MYT1L: variants seen among roughly 807,000 people sequenced by gnomAD.
The protein encoded by MYT1L is myelin transcription factor 1-like protein.
In MYT1L, 12 loss-of-function variants were observed where a neutral mutation model predicts 126.7. The observed-to-expected ratio is 0.09, with a 90% confidence interval of 0.06 to 0.15. MYT1L has a LOEUF of 0.15. Among genes scored for constraint, MYT1L ranks in the 10% least tolerant of loss-of-function variants. The pLI is 1.00. For missense variants in MYT1L, 979 were observed against 1,585.2 expected (o/e 0.62, Z 6.49); for synonymous variants, 541 against 604.2 (o/e 0.90, Z 1.53).
intron 2 of MYT1L, among the ~76,000 whole-genome samples, chr2:2,206,542 C>A (rs1166420826): frequency 2.0e-5 from 3 of 152,194 alleles, no homozygotes; most frequent in Non-Finnish European, 4.4e-5. Context: ...CCTTACAGAT[C>A]TTTCTTTCCT....
At chr2:2,321,660 G>A (rs2096169222) in intron 1 of MYT1L, among the ~76,000 whole-genome samples, 2 of 152,112 alleles carry the variant, frequency 1.3e-5, no homozygotes. Flanking sequence ...ACTCAGAACA[G>A]TGTTTGAGCT....
intron 9 of MYT1L, among the ~76,000 whole-genome samples, chr2:1,931,869 G>A (rs2055047682): frequency 6.6e-6 from 1 of 152,100 alleles, no homozygotes; most frequent in African/African-American, 2.4e-5. Flanking sequence ...TCAACTCCAG[G>A]AAAGGAGCGT....
chr2:1,844,141 C>G (rs73913438), intron 19 of MYT1L, among the ~76,000 whole-genome samples: 6,085 of 152,192 alleles, frequency 0.04, 406 homozygotes, highest in African/African-American at 0.14. Flanking sequence ...CTGTGCCCCA[C>G]GGGGTCCTCT....
intron 2 of MYT1L, among the ~76,000 whole-genome samples, chr2:2,261,425 A>C (rs2094963846): frequency 6.6e-6 from 1 of 152,216 alleles, no homozygotes; most frequent in Non-Finnish European, 1.5e-5. Context: ...TAGACACAAA[A>C]TTATCTGAAT....
intron 21 of MYT1L, among the ~76,000 whole-genome samples, chr2:1,813,099 C>G (rs2036953785): frequency 6.6e-6 from 1 of 152,142 alleles, no homozygotes; most frequent in Non-Finnish European, 1.5e-5. Flanking sequence ...CCTCTCTGGC[C>G]TTCCGCCGTC....
At chr2:2,024,794 G>T (rs533511377) in intron 4 of MYT1L, among the ~76,000 whole-genome samples, 1 of 152,332 alleles carries the variant, frequency 6.6e-6, no homozygotes, top group African/African-American at 2.4e-5. Flanking sequence ...TATCATCAAG[G>T]TGTTCTCAAT....
At chr2:2,268,346 T>C (rs1175348426) in intron 2 of MYT1L, among the ~76,000 whole-genome samples, 1 of 152,206 alleles carries the variant, frequency 6.6e-6, no homozygotes, top group Non-Finnish European at 1.5e-5. Flanking sequence ...TTTGTAAATT[T>C]GCACATCAAC....
At chr2:2,094,265 A>C (rs2077197939) in intron 3 of MYT1L, among the ~76,000 whole-genome samples, 1 of 152,110 alleles carries the variant, frequency 6.6e-6, no homozygotes, top group African/African-American at 2.4e-5. Flanking sequence ...AAAGTCAGGA[A>C]ACAACAGGTG....
chr2:2,231,045 C>T (rs910205937), intron 2 of MYT1L, among the ~76,000 whole-genome samples: 11 of 152,142 alleles, frequency 7.2e-5, no homozygotes, highest in African/African-American at 2.7e-4. Context: ...AGCAAAGGTG[C>T]TTCGCAAATA....
chr2:2,073,360 T>G (rs2074839907), intron 3 of MYT1L, among the ~76,000 whole-genome samples: 1 of 152,068 alleles, frequency 6.6e-6, no homozygotes, highest in African/African-American at 2.4e-5. Flanking sequence ...CCCAGCCTGC[T>G]GTATCTCTTA....
intron 1 of MYT1L, among the ~76,000 whole-genome samples, chr2:2,308,791 T>A (rs193241861): frequency 1.1e-4 from 16 of 151,754 alleles, no homozygotes; most frequent in African/African-American, 3.9e-4. Context: ...ATTGTATCCC[T>A]ATTTCACCTA....
chr2:1,955,248 G>A (rs1490731541), intron 8 of MYT1L, among the ~76,000 whole-genome samples: 1 of 151,768 alleles, frequency 6.6e-6, no homozygotes, highest in African/African-American at 2.4e-5. Flanking sequence ...TTCTTTAGAT[G>A]TTCAGGACAG....
At chr2:1,941,962 C>T (rs749454077) in intron 9 of MYT1L, among the ~76,000 whole-genome samples, 11 of 152,118 alleles carry the variant, frequency 7.2e-5, no homozygotes, top group Non-Finnish European at 1.5e-4. Flanking sequence ...TCACATCTCC[C>T]TGATGTATGG....
intron 8 of MYT1L, among the ~76,000 whole-genome samples, chr2:1,959,149 A>C (rs2058752529): frequency 6.6e-6 from 1 of 152,220 alleles, no homozygotes; most frequent in Non-Finnish European, 1.5e-5. Flanking sequence ...GTGAAAAAAA[A>C]CAAAATGAAA....
intron 8 of MYT1L, among the ~76,000 whole-genome samples, chr2:1,967,782 G>A (rs755174535): frequency 1.3e-5 from 2 of 152,162 alleles, no homozygotes; most frequent in Non-Finnish European, 2.9e-5. Flanking sequence ...GAGGTGCAGC[G>A]AGGCCGCAGG....
chr2:1,872,003 C>T (rs1003729241), intron 18 of MYT1L, among the ~76,000 whole-genome samples: 1 of 152,164 alleles, frequency 6.6e-6, no homozygotes, highest in African/African-American at 2.4e-5. Context: ...CAATGGAGCA[C>T]CTCGCATTGT....
intron 1 of MYT1L, among the ~76,000 whole-genome samples, chr2:2,287,370 T>C (rs1186286893): frequency 1.3e-5 from 2 of 152,242 alleles, no homozygotes; most frequent in African/African-American, 4.8e-5. Flanking sequence ...CGAAGTTATT[T>C]AATGTCAGGA....
At chr2:2,022,332 A>C (rs1458647429) in intron 4 of MYT1L, among the ~76,000 whole-genome samples, 1 of 152,202 alleles carries the variant, frequency 6.6e-6, no homozygotes, top group Non-Finnish European at 1.5e-5. Context: ...GACAAGCTAC[A>C]GTCCATCCTC....
At chr2:2,023,335 T>C (rs1427831149) in intron 4 of MYT1L, among the ~76,000 whole-genome samples, 1 of 152,152 alleles carries the variant, frequency 6.6e-6, no homozygotes, top group Non-Finnish European at 1.5e-5. Context: ...AGAATGTCCA[T>C]TAGAGAAGGG....
Sources: allele counts gnomAD v4.1 joint callset (sites outside exome capture counted in the v4.1 genomes callset), GRCh38; gene constraint gnomAD v4.1.1; transcripts MANE v1.5; gene names NCBI Gene and HGNC (gene_info 2026-07-23, HGNC 2026-07-21).